IFT88: variants seen among roughly 807,000 people sequenced by gnomAD.
The protein encoded by IFT88 is intraflagellar transport protein 88 homolog.
IFT88 carries 74 observed loss-of-function variants against 119.5 expected under a neutral mutation model. That is an observed-to-expected ratio of 0.62 (90% CI 0.51 to 0.75). The LOEUF is 0.75. IFT88 is among the 30% of genes least tolerant of loss of function. The probability of loss-of-function intolerance (pLI) is 0.00; values close to 1 mark genes in which losing one functional copy is unlikely to be tolerated. For missense variants in IFT88, 961 were observed against 977.7 expected (o/e 0.98, Z 0.23); for synonymous variants, 279 against 316.7 (o/e 0.88, Z 1.26).
intron 1 of IFT88, chr13:20,567,657 A>G (rs1404493943): frequency 1.6e-5 from 15 of 928,638 alleles, no homozygotes; most frequent in Non-Finnish European, 1.9e-5. Flanking sequence ...TCGCTCTTTA[A>G]TTTTCTTGTT....
intron 9 of IFT88, among the ~76,000 whole-genome samples, chr13:20,597,470 T>A (rs370491474): frequency 6.6e-6 from 1 of 151,914 alleles, no homozygotes; most frequent in Non-Finnish European, 1.5e-5. Flanking sequence ...TGTAGCCGGG[T>A]GCCGTGGCTC....
intron 6 of IFT88, 120 bp downstream of exon 6, chr13:20,591,801 C>T (rs2040734183): frequency 1.5e-6 from 1 of 648,616 alleles, no homozygotes; most frequent in African/African-American, 1.9e-5. Flanking sequence ...TTATAAGATG[C>T]ACTGATATTT....
intron 13 of IFT88, among the ~76,000 whole-genome samples, chr13:20,611,855 C>G (rs1382079185): frequency 1.3e-5 from 2 of 152,150 alleles, no homozygotes; most frequent in African/African-American, 2.4e-5. Context: ...ATCCACCCAC[C>G]TTGGCCTCCC....
chr13:20,567,833 T>A (rs1322453010), intron 1 of IFT88: 4 of 1,156,928 alleles, frequency 3.5e-6, no homozygotes, highest in East Asian at 5.2e-5. Context: ...ACACTTTTAC[T>A]AGTCCGATTT....
At chr13:20,683,885 T>A (rs1015697365) in intron 24 of IFT88, among the ~76,000 whole-genome samples, 3 of 152,118 alleles carry the variant, frequency 2.0e-5, no homozygotes, top group African/African-American at 7.3e-5. Context: ...GAAGTAGATA[T>A]AACAATTTGA....
chr13:20,584,039 A>G (rs1190418187), intron 3 of IFT88, among the ~76,000 whole-genome samples: 1 of 152,060 alleles, frequency 6.6e-6, no homozygotes, highest in Non-Finnish European at 1.5e-5. Flanking sequence ...TAGCTTTATA[A>G]TATGTTTTAA....
intron 23 of IFT88, among the ~76,000 whole-genome samples, chr13:20,664,938 G>T (rs1434025205): frequency 6.6e-6 from 1 of 151,972 alleles, no homozygotes; most frequent in Non-Finnish European, 1.5e-5. Flanking sequence ...AATTAGCCAG[G>T]CGTGGTGGAG....
intron 9 of IFT88, among the ~76,000 whole-genome samples, chr13:20,597,753 A>T (rs1283148255): frequency 7.0e-6 from 1 of 143,038 alleles, no homozygotes; most frequent in Admixed American, 6.9e-5. Flanking sequence ...CTCAAAAAAA[A>T]AATATATATA....
At chr13:20,603,398 A>G (rs2042926042) in intron 12 of IFT88, among the ~76,000 whole-genome samples, 1 of 151,968 alleles carries the variant, frequency 6.6e-6, no homozygotes, top group Admixed American at 6.6e-5. Flanking sequence ...AAAAAAAAAA[A>G]AAAAAGATTA....
At chr13:20,665,908 G>A (rs2054596023) in intron 23 of IFT88, among the ~76,000 whole-genome samples, 1 of 152,098 alleles carries the variant, frequency 6.6e-6, no homozygotes, top group African/African-American at 2.4e-5. Flanking sequence ...GGGGTGGAGA[G>A]AAAAAAATGT....
At chr13:20,676,854 G>T (rs1264805881) in intron 24 of IFT88, among the ~76,000 whole-genome samples, 1 of 152,038 alleles carries the variant, frequency 6.6e-6, no homozygotes, top group Non-Finnish European at 1.5e-5. Flanking sequence ...ACATATATAT[G>T]CATACACACA....
At chr13:20,605,139 T>G in intron 13 of IFT88, 34 bp downstream of exon 13, 13 of 821,236 alleles carry the variant, frequency 1.6e-5, no homozygotes, top group Non-Finnish European at 2.3e-5. Context: ...TAGTTATTAA[T>G]TACATTATTT....
intron 7 of IFT88, among the ~76,000 whole-genome samples, chr13:20,594,403 G>T (rs2041273932): frequency 1.3e-5 from 2 of 152,158 alleles, no homozygotes; most frequent in African/African-American, 4.8e-5. Context: ...TGCATCAAAT[G>T]CTCGTGGCTG....
intron 24 of IFT88, among the ~76,000 whole-genome samples, chr13:20,674,686 T>TA (rs1242606644): frequency 4.1e-5 from 6 of 147,020 alleles, no homozygotes; most frequent in Non-Finnish European, 9.0e-5. Context: ...ATATTTTATT[T>TA]AAAAAAACTG....
At chr13:20,639,472 C>G (rs1032190209) in intron 17 of IFT88, among the ~76,000 whole-genome samples, 1 of 152,136 alleles carries the variant, frequency 6.6e-6, no homozygotes, top group Non-Finnish European at 1.5e-5. Context: ...GAGGGAAGGC[C>G]TACTGCCAAC....
At chr13:20,597,541 G>T (rs932264528) in intron 9 of IFT88, among the ~76,000 whole-genome samples, 1 of 151,900 alleles carries the variant, frequency 6.6e-6, no homozygotes, top group African/African-American at 2.4e-5. Context: ...TCAGGAAATC[G>T]AGACCATCCT....
At chr13:20,619,896 C>T (rs2046220521) in intron 14 of IFT88, among the ~76,000 whole-genome samples, 1 of 152,098 alleles carries the variant, frequency 6.6e-6, no homozygotes, top group Non-Finnish European at 1.5e-5. Flanking sequence ...TGTATTTTTT[C>T]ATTTTAGCCA....
chr13:20,618,851 TTTTTTTTCCC>T (rs1352601668), intron 14 of IFT88, among the ~76,000 whole-genome samples: 9 of 107,058 alleles, frequency 8.4e-5, no homozygotes, highest in Admixed American at 2.8e-4. Context: ...ATTAAATTAT[TTTTTTTTCCC>T]TTTTTTTTTT....
intron 24 of IFT88, among the ~76,000 whole-genome samples, chr13:20,671,413 T>C (rs967501327): frequency 6.6e-6 from 1 of 152,218 alleles, no homozygotes; most frequent in Non-Finnish European, 1.5e-5. Context: ...TCCTATGGAA[T>C]GCTGACAGCC....
Sources: allele counts gnomAD v4.1 joint callset (sites outside exome capture counted in the v4.1 genomes callset), GRCh38; gene constraint gnomAD v4.1.1; transcripts MANE v1.5; gene names NCBI Gene and HGNC (gene_info 2026-07-23, HGNC 2026-07-21).